The following PARP1 variants were observed in gnomAD, a reference collection of about 807,000 sequenced individuals.
The protein encoded by PARP1 is poly [ADP-ribose] polymerase 1.
PARP1 carries 44 observed loss-of-function variants against 118.7 expected under a neutral mutation model. That is an observed-to-expected ratio of 0.37 (90% CI 0.29 to 0.48). PARP1 has a LOEUF of 0.48. Ranked by LOEUF, PARP1 falls within the 20% of genes least tolerant of loss-of-function variation. The probability of loss-of-function intolerance (pLI) is 0.99; values close to 1 mark genes in which losing one functional copy is unlikely to be tolerated. For synonymous variants in PARP1, 492 were observed against 483.2 expected (o/e 1.02, Z -0.24); for missense variants, 1,100 against 1,272.4 (o/e 0.86, Z 2.06).
At chr1:226,362,239 G>A (rs1308195320) in intron 21 of PARP1, 156 bp from the exon 22 acceptor site, 19 of 613,716 alleles carry the variant, frequency 3.1e-5, no homozygotes, top group South Asian at 1.5e-4. Context: ...AGGCCGGAGT[G>A]CAATGGTGTG....
At chr1:226,393,241 G>A (rs567374474) in intron 2 of PARP1, among the ~76,000 whole-genome samples, 1 of 152,110 alleles carries the variant, frequency 6.6e-6, no homozygotes, top group Admixed American at 6.5e-5. Context: ...ACAGCGTTAA[G>A]ATACATAAAA....
rs373734038 is a variant in PARP1 at position 226,383,070 on chromosome 1, C to T, written c.1125G>A (p.Ser375=). ...CAGAGGAGTTCACAGCAGCAGGAGC[C>T]GAGGCTGTGGAGGGCGGAGGCGTGG... ...VAATPPPSTA[S]APAAVNSSAS... The change falls in exon 8 of 23, where the codon TCG becomes TCA. Residue 375 remains serine, a synonymous_variant. Coordinates refer to ENST00000366794, the MANE Select transcript of PARP1 (RefSeq NM_001618.4). 8.2e-5 allele frequency: 133 copies of T among 1,612,808 alleles called. 1 individual carries two copies. The highest frequency in any genetic ancestry group is 8.9e-5 in the East Asian group (4 of 44,894).
At chr1:226,379,505 T>C (rs1490186171) in intron 11 of PARP1, 68 bp downstream of exon 11, 1 of 1,327,496 alleles carries the variant, frequency 7.5e-7, no homozygotes. Context: ...CATTTGGATG[T>C]GTGCTCCTAG....
chr1:226,367,465 G>C lies in PARP1; in HGVS notation c.2406+15C>G, dbSNP rs761120517. 1 of 1,613,150 alleles carries C rather than the reference G, an allele frequency of 6.2e-7. No individual in the cohort carries two copies. The highest frequency in any genetic ancestry group is 2.2e-5 in the East Asian group (1 of 44,880). ...TGAGAGGTTAAGATGCTTGAGGAAG[G>C]CCTGACCCTGTTACCTTAATGTCAG... On this transcript the variant is annotated intron_variant, in intron 17 of 22. Coordinates refer to ENST00000366794, the MANE Select transcript of PARP1 (RefSeq NM_001618.4).
rs200181050 is a variant in PARP1 at position 226,402,266 on chromosome 1, C to T, written c.234G>A (p.Arg78=). Residue 78 remains arginine (R), a synonymous_variant, in exon 2 of 23, where the codon CGG becomes CGA. Coordinates refer to ENST00000366794, the MANE Select transcript of PARP1 (RefSeq NM_001618.4). The part of the protein sequence containing the change: ...DVEVDGFSEL[R]WDDQQKVKKT... ...TCTTGACTTTCTGCTGGTCATCCCA[C>T]CGAAGCTCAGAGAACCCATCCACCT... 2 of 1,614,158 alleles carry T rather than the reference C, an allele frequency of 1.2e-6. No homozygotes were observed. Among genetic ancestry groups the T allele is most frequent in the East Asian group, 4.5e-5 (2 of 44,890 alleles).
intron 2 of PARP1, among the ~76,000 whole-genome samples, chr1:226,397,133 G>C (rs553370210): frequency 8.5e-5 from 12 of 140,892 alleles, no homozygotes; most frequent in Non-Finnish European, 1.2e-4. Flanking sequence ...GGGCAACACA[G>C]TGAGACTCTG....
Position 226,388,745 on chromosome 1 carries a change from C to G in PARP1, c.628G>C (p.Gly210Arg). ...TCATCCACTCCATCCACCTCATCGC[C>G]TTTTCTCTTTCTGAAGGAGACACAG... ...PGVKSEGKRK[G>R]DEVDGVDEVA... Residue 210 changes from glycine to arginine, a missense_variant, in exon 5 of 23, where the codon GGC becomes CGC. This residue lies in a region of PARP1 where 948 missense variants were observed against 1,031.8 expected (regional missense o/e 0.92). Coordinates refer to ENST00000366794, the MANE Select transcript of PARP1 (RefSeq NM_001618.4). 6.2e-7 allele frequency: 1 copy of G among 1,613,636 alleles called. No individual in the cohort carries two copies. Among genetic ancestry groups the G allele is most frequent in the Non-Finnish European group, 8.5e-7 (1 of 1,179,580 alleles).
chr1:226,363,504 A>G (rs1382151278), intron 20 of PARP1, among the ~76,000 whole-genome samples: 1 of 152,228 alleles, frequency 6.6e-6, no homozygotes, highest in Non-Finnish European at 1.5e-5. Context: ...GTTACAGTTC[A>G]CAGGACTAGG....
chr1:226,361,416 A>T lies in PARP1; in HGVS notation c.*44T>A, dbSNP rs1337403502. The T allele has an allele frequency of 7.3e-7, 1 of 1,364,762 alleles. No individual in the cohort carries two copies. Among genetic ancestry groups the T allele is most frequent in the African/African-American group, 1.4e-5 (1 of 69,940 alleles). 84.5% of individuals were successfully genotyped at this position (1,364,762 alleles called of 1,614,324 possible). A position where few individuals can be genotyped will look rare whatever the true frequency, so the allele number is the denominator to read the frequency against. On this transcript the variant is annotated 3_prime_UTR_variant, in exon 23 of 23. Coordinates refer to ENST00000366794, the MANE Select transcript of PARP1 (RefSeq NM_001618.4). Reference sequence around the variant, plus strand: ...GTTGGTGCAGAAGCGCTTCGGGTGAATTCATACCAGAGCCACCGGGTGTGA... The same window carrying T: ...GTTGGTGCAGAAGCGCTTCGGGTGATTTCATACCAGAGCCACCGGGTGTGA...
At chr1:226,395,120 A>AT (rs1246280608) in intron 2 of PARP1, among the ~76,000 whole-genome samples, 1 of 151,954 alleles carries the variant, frequency 6.6e-6, no homozygotes, top group Non-Finnish European at 1.5e-5. Context: ...GATGGCTATT[A>AT]TTTAAAAAAA....
intron 8 of PARP1, 103 bp downstream of exon 8, chr1:226,382,933 G>C (rs1232675820): frequency 7.5e-7 from 1 of 1,336,462 alleles, no homozygotes; most frequent in Non-Finnish European, 1.1e-6. Context: ...AGCAAAGAGA[G>C]ACCCTTGACG....
intron 20 of PARP1, among the ~76,000 whole-genome samples, 192 bp from the exon 21 acceptor site, chr1:226,363,352 C>T (rs560113065): frequency 3.3e-5 from 5 of 152,276 alleles, no homozygotes; most frequent in African/African-American, 1.2e-4. Context: ...TGCGGCTGAA[C>T]ATAGTTTGTG....
chr1:226,368,443 T>C lies in PARP1; in HGVS notation c.2155-122A>G, dbSNP rs1167814587. 17 of 1,216,498 alleles carry C rather than the reference T, an allele frequency of 1.4e-5. 1 individual carries two copies. The Middle Eastern group carries it at 1.1e-3, about 79-fold the overall frequency. The allele number at this position is 1,216,498 out of a possible 1,614,324, so 75.4% of individuals were successfully genotyped here. A position where few individuals can be genotyped will look rare whatever the true frequency, so the allele number is the denominator to read the frequency against. On this transcript the variant is annotated intron_variant, in intron 15 of 22. Coordinates refer to ENST00000366794, the MANE Select transcript of PARP1 (RefSeq NM_001618.4). ...CCAGAAGTAGCGTGGTATGTGCACA[T>C]GCCAGGACACATGGGAAACGACCAG...
Position 226,380,086 on chromosome 1 carries a change from T to C in PARP1, c.1379A>G (p.Gln460Arg). The C allele has an allele frequency of 6.2e-7, 1 of 1,614,238 alleles. No homozygotes were observed. Among genetic ancestry groups the C allele is most frequent in the Non-Finnish European group, 8.5e-7 (1 of 1,180,030 alleles). The change falls in exon 10 of 23, where the codon CAG (glutamine) becomes CGG (arginine). Residue 460 changes from glutamine (Q) to arginine (R), a missense_variant. Around this residue, in one of 2 missense-constraint regions of PARP1, gnomAD observed 948 missense variants for 1,031.8 expected, o/e 0.92. Transcript: ENST00000366794. ...GCTCTTGGTGGAGGCGGAGACGTCC[T>C]GGAGGAAGTCCTCAGACACAACTCG... ...NIRVVSEDFL[Q>R]DVSASTKSLQ...
intron 8 of PARP1, among the ~76,000 whole-genome samples, chr1:226,381,489 G>A (rs558893744): frequency 5.9e-5 from 9 of 152,334 alleles, no homozygotes; most frequent in Middle Eastern, 3.4e-3. Flanking sequence ...CCCCAGGTCC[G>A]CGCCAAGGTC....
At position 226,374,344 on chromosome 1, in the gene PARP1, G is replaced by C. The variant is rs767892316; in HGVS notation, c.1952C>G (p.Ala651Gly). 1 of 1,614,114 alleles carries C rather than the reference G, an allele frequency of 6.2e-7. No individual in the cohort carries two copies. Among genetic ancestry groups the C allele is most frequent in the African/African-American group, 1.3e-5 (1 of 75,016 alleles). ...LEIDYGQDEE[A>G]VKKLTVNPGT... ...AGGATTTACTGTCAGCTTCTTCACT[G>C]CCTCTTCATCCTTCAGGAAAAAAGC... The change falls in exon 14 of 23, where the codon GCA (alanine) becomes GGA (glycine). Residue 651 changes from alanine to glycine, a missense_variant. Ala to Gly is a moderately conservative substitution (Grantham distance 60). Transcript: ENST00000366794.
At position 226,385,790 on chromosome 1, in the gene PARP1, A is replaced by G. The variant is rs184388703; in HGVS notation, c.835-110T>C. On this transcript the variant is annotated intron_variant, in intron 6 of 22. Coordinates refer to ENST00000366794, the MANE Select transcript of PARP1 (RefSeq NM_001618.4). ...ACAGATTCCACTCACTACAAAGAAGAGAGGCTTCTTGCTGTGGGCTTGCTA... is the reference window on the plus strand; with the variant it reads ...ACAGATTCCACTCACTACAAAGAAGGGAGGCTTCTTGCTGTGGGCTTGCTA... The G allele has an allele frequency of 7.0e-6, 7 of 1,005,358 alleles. No individual in the cohort carries two copies. In the Admixed American group the frequency reaches 1.3e-4, roughly 18 times the overall value. 62.3% of individuals were successfully genotyped at this position (1,005,358 alleles called of 1,614,324 possible). A position where few individuals can be genotyped will look rare whatever the true frequency, so the allele number is the denominator to read the frequency against.
chr1:226,375,951 C>T (rs920912376), intron 13 of PARP1, among the ~76,000 whole-genome samples: 1 of 152,122 alleles, frequency 6.6e-6, no homozygotes, highest in Non-Finnish European at 1.5e-5. Context: ...TGGTTAATTC[C>T]GGGCAATCTT....
intron 5 of PARP1, 143 bp from the exon 6 acceptor site, chr1:226,386,585 A>G: frequency 1.3e-6 from 1 of 747,256 alleles, no homozygotes; most frequent in Non-Finnish European, 2.5e-6. Flanking sequence ...TGATTAGCAC[A>G]GGATTTGACT....
Sources: allele counts gnomAD v4.1 joint callset (sites outside exome capture counted in the v4.1 genomes callset), GRCh38; gene constraint gnomAD v4.1.1; regional missense constraint gnomAD v4.1.1; transcripts MANE v1.5; gene names NCBI Gene and HGNC (gene_info 2026-07-23, HGNC 2026-07-21).